Variants in EPHA4 observed in about 807,000 individuals in gnomAD.
The protein encoded by EPHA4 is ephrin type-A receptor 4.
In EPHA4, 19 loss-of-function variants were observed where a neutral mutation model predicts 108.3. That is an observed-to-expected ratio of 0.18 (90% CI 0.12 to 0.26). The LOEUF (loss-of-function observed/expected upper bound fraction) is 0.26. Ranked by LOEUF, EPHA4 falls within the 10% of genes least tolerant of loss-of-function variation. The pLI is 1.00. For missense variants in EPHA4, 917 were observed against 1,254.0 expected (o/e 0.73, Z 4.06); for synonymous variants, 449 against 455.5 (o/e 0.99, Z 0.18).
intron 5 of EPHA4, among the ~76,000 whole-genome samples, chr2:221,477,364 T>C (rs1370022980): frequency 1.3e-5 from 2 of 152,222 alleles, no homozygotes; most frequent in East Asian, 1.9e-4. Flanking sequence ...ATGAAGTCTG[T>C]TCTTAAAAAC....
intron 5 of EPHA4, among the ~76,000 whole-genome samples, chr2:221,472,394 G>A (rs1486754919): frequency 5.9e-5 from 9 of 151,672 alleles, no homozygotes; most frequent in East Asian, 3.9e-4. Context: ...CCAGGGAGCC[G>A]TTGTAAGCTA....
At chr2:221,506,191 A>G (rs981843302) in intron 3 of EPHA4, among the ~76,000 whole-genome samples, 1 of 152,186 alleles carries the variant, frequency 6.6e-6, no homozygotes, top group East Asian at 1.9e-4. Context: ...CACTGGATAC[A>G]TAATATATCC....
chr2:221,514,935 A>C (rs965870691), intron 3 of EPHA4, among the ~76,000 whole-genome samples: 6 of 152,204 alleles, frequency 3.9e-5, no homozygotes, highest in East Asian at 3.9e-4. Flanking sequence ...TATCAAATAC[A>C]AAAGAACAGC....
intron 3 of EPHA4, among the ~76,000 whole-genome samples, chr2:221,544,821 C>G (rs900908584): frequency 2.6e-5 from 4 of 152,010 alleles, no homozygotes; most frequent in Non-Finnish European, 5.9e-5. Flanking sequence ...AGGCTAGTAC[C>G]CTTACAAGAA....
intron 15 of EPHA4, among the ~76,000 whole-genome samples, chr2:221,429,178 C>T (rs1005034655): frequency 2.0e-5 from 3 of 152,072 alleles, no homozygotes; most frequent in African/African-American, 4.8e-5. Flanking sequence ...TAAAGATGGT[C>T]CACACCCTTT....
At chr2:221,528,092 CAT>C (rs1253441909) in intron 3 of EPHA4, among the ~76,000 whole-genome samples, 1 of 138,092 alleles carries the variant, frequency 7.2e-6, no homozygotes, top group Non-Finnish European at 1.5e-5. Flanking sequence ...TTGTTTAAAA[CAT>C]AGAGTTATGC....
intron 14 of EPHA4, 137 bp downstream of exon 14, chr2:221,434,005 G>C: frequency 1.3e-6 from 1 of 783,598 alleles, no homozygotes; most frequent in African/African-American, 1.8e-5. Context: ...TGTTGAACTA[G>C]CTTGCTAGAT....
intron 11 of EPHA4, 105 bp downstream of exon 11, chr2:221,442,724 G>C (rs1000496903): frequency 8.6e-7 from 1 of 1,160,122 alleles, no homozygotes; most frequent in Admixed American, 1.9e-5. Flanking sequence ...CCTCCTATTA[G>C]CAATCAGTGG....
At chr2:221,445,530 C>T (rs1039778200) in intron 9 of EPHA4, among the ~76,000 whole-genome samples, 2 of 145,796 alleles carry the variant, frequency 1.4e-5, no homozygotes, top group African/African-American at 5.2e-5. Flanking sequence ...GCGGAGCTTG[C>T]AGTGAGCCAA....
intron 5 of EPHA4, among the ~76,000 whole-genome samples, chr2:221,460,592 G>A (rs900592213): frequency 3.9e-5 from 6 of 152,184 alleles, no homozygotes; most frequent in African/African-American, 1.4e-4. Context: ...TAGTAAGAAG[G>A]AGTTTGAGAA....
chr2:221,507,411 C>T (rs1574620957), intron 3 of EPHA4, among the ~76,000 whole-genome samples: 1 of 152,064 alleles, frequency 6.6e-6, no homozygotes, highest in African/African-American at 2.4e-5. Flanking sequence ...ATTCCTATAC[C>T]ATTGTGGGGA....
intron 5 of EPHA4, among the ~76,000 whole-genome samples, chr2:221,479,937 G>A (rs1691767331): frequency 6.6e-6 from 1 of 152,136 alleles, no homozygotes; most frequent in Admixed American, 6.5e-5. Context: ...CTCCTTGGCA[G>A]GACTACATGC....
In EPHA4 at chr2:221,526,097, ACT is replaced by A. The variant is rs764751198; in HGVS notation, c.824-24927_824-24926del. Among the ~76,000 whole-genome samples, 6 of 152,282 alleles carry A rather than the reference ACT, an allele frequency of 3.9e-5. No individual in the cohort carries two copies. The South Asian group carries it at 6.2e-4, about 16-fold the overall frequency. ...CATAATCATACTAAATATATAAGAC[ACT>A]CTTATGAATAAGGAAACACATTATT... On this transcript the variant is annotated intron_variant, in intron 3 of 17. Coordinates refer to ENST00000281821, the MANE Select transcript of EPHA4 (RefSeq NM_004438.5).
chr2:221,464,073 C>G (rs1229216662), intron 5 of EPHA4, among the ~76,000 whole-genome samples: 1 of 152,124 alleles, frequency 6.6e-6, no homozygotes, highest in Non-Finnish European at 1.5e-5. Flanking sequence ...AAAGTCAAGA[C>G]ACCTGAAGCC....
intron 1 of EPHA4, among the ~76,000 whole-genome samples, chr2:221,570,340 G>A (rs1426052273): frequency 6.6e-6 from 1 of 151,324 alleles, no homozygotes; most frequent in Admixed American, 6.6e-5. Context: ...AAAAGAGGGG[G>A]TTTAAAAAAA....
intron 3 of EPHA4, among the ~76,000 whole-genome samples, chr2:221,525,030 A>C (rs1336779753): frequency 8.3e-6 from 1 of 120,716 alleles, no homozygotes; most frequent in Non-Finnish European, 1.7e-5. Context: ...ATAAATATGT[A>C]ATTTTATAGC....
intron 3 of EPHA4, among the ~76,000 whole-genome samples, chr2:221,504,513 C>T (rs1238145930): frequency 6.8e-6 from 1 of 146,964 alleles, no homozygotes; most frequent in African/African-American, 2.5e-5. Context: ...ATTTAATGAG[C>T]TGATTACACC....
In EPHA4 at chr2:221,457,943, T is replaced by G. The variant is rs1400486676; in HGVS notation, c.1366A>C (p.Ser456Arg). 1 of 1,613,852 alleles carries G rather than the reference T, an allele frequency of 6.2e-7. No individual in the cohort carries two copies. Among genetic ancestry groups the G allele is most frequent in the Non-Finnish European group, 8.5e-7 (1 of 1,179,772 alleles). Residue 456 changes from serine (S) to arginine (R), a missense_variant, in exon 6 of 18, where the codon AGT becomes CGT. This residue lies in a region of EPHA4 where 758 missense variants were observed against 1,076.7 expected (regional missense o/e 0.70). Transcript: ENST00000281821. ...GGTTCCAGCCAAGCCAGTGCCACACTGTATCTTGTGACTTCTTTAGCCTGG... is the reference window on the plus strand; with the variant it reads ...GGTTCCAGCCAAGCCAGTGCCACACGGTATCTTGTGACTTCTTTAGCCTGG... ...LVQAKEVTRYSVALAWLEPDR... is the reference protein window; with the variant it reads ...LVQAKEVTRYRVALAWLEPDR...
chr2:221,470,337 G>A (rs560519996), intron 5 of EPHA4, among the ~76,000 whole-genome samples: 3 of 151,412 alleles, frequency 2.0e-5, no homozygotes, highest in Non-Finnish European at 4.4e-5. Context: ...GAAAGGGCGG[G>A]GGGGAGAGAG....
Sources: gnomAD v4.1 joint callset for allele counts (sites outside exome capture counted in the v4.1 genomes callset) on GRCh38, gnomAD v4.1.1 for gene constraint, gnomAD v4.1.1 regional missense constraint, MANE v1.5 for transcripts, NCBI Gene and HGNC (gene_info 2026-07-23, HGNC 2026-07-21) for gene names.